KCND2: variants seen among roughly 807,000 people sequenced by gnomAD.
KCND2 encodes potassium voltage-gated channel subfamily D member 2.
Under a neutral mutation model 54.4 loss-of-function variants are expected in KCND2, and 16 were observed. That is an observed-to-expected ratio of 0.29 (90% CI 0.20 to 0.45). The LOEUF (loss-of-function observed/expected upper bound fraction) is 0.45, where lower values mean the gene tolerates loss of function less well. KCND2 is among the 20% of genes least tolerant of loss of function. The pLI, the probability that KCND2 is intolerant of heterozygous loss-of-function variation, is 1.00. For missense variants in KCND2, 486 were observed against 824.2 expected, an observed-to-expected ratio of 0.59 and a Z score of 5.02; for synonymous variants, 317 against 310.7, an observed-to-expected ratio of 1.02 and a Z score of -0.21.
At chr7:120,558,368 C>T (rs1389787463) in intron 1 of KCND2, among the ~76,000 whole-genome samples, 1 of 152,046 alleles carries the variant, frequency 6.6e-6, no homozygotes, top group Non-Finnish European at 1.5e-5. Flanking sequence ...ACCATCACAC[C>T]CTTAAATTAT....
intron 1 of KCND2, among the ~76,000 whole-genome samples, chr7:120,673,675 A>G (rs1792021391): frequency 6.6e-6 from 1 of 152,128 alleles, no homozygotes; most frequent in African/African-American, 2.4e-5. Flanking sequence ...AAATCTCATT[A>G]TGTCCTTCCT....
rs1799146754 is a variant in KCND2 at position 120,274,743 on chromosome 7, G to A, written c.111G>A (p.Arg37=). The A allele has an allele frequency of 6.2e-7, 1 of 1,614,052 alleles. No individual in the cohort carries two copies. The highest frequency in any genetic ancestry group is 8.5e-7 in the Non-Finnish European group (1 of 1,179,998). The change falls in exon 1 of 6, where the codon AGG becomes AGA. Residue 37 remains arginine, a synonymous_variant. Transcript: ENST00000331113. The part of the protein sequence containing the change: ...MPAPPRQERK[R]TQDALIVLNV... ...CTCCCCCGAGGCAGGAGAGGAAAAG[G>A]ACCCAAGATGCTCTCATTGTGCTGA...
intron 1 of KCND2, among the ~76,000 whole-genome samples, chr7:120,625,179 G>A (rs978249525): frequency 6.6e-6 from 1 of 152,152 alleles, no homozygotes; most frequent in Non-Finnish European, 1.5e-5. Context: ...AAGATTAAGT[G>A]ATTTAGTGTA....
intron 1 of KCND2, among the ~76,000 whole-genome samples, chr7:120,637,111 TA>T (rs1344326176): frequency 8.5e-5 from 13 of 152,190 alleles, no homozygotes; most frequent in African/African-American, 3.1e-4. Flanking sequence ...CAAAGATGAG[TA>T]AGAAGTGATG....
intron 1 of KCND2, among the ~76,000 whole-genome samples, chr7:120,281,598 G>T (rs1165812918): frequency 6.6e-6 from 1 of 152,160 alleles, no homozygotes; most frequent in Non-Finnish European, 1.5e-5. Context: ...AGTTGGAATT[G>T]TGCTTGATAT....
At chr7:120,330,581 CAA>C (rs3067024) in intron 1 of KCND2, among the ~76,000 whole-genome samples, 155 of 48,360 alleles carry the variant, frequency 3.2e-3, no homozygotes, top group East Asian at 0.016. Context: ...AACTCTGTCT[CAA>C]AAAAAAAAAA....
At chr7:120,465,565 G>C (rs192038478) in intron 1 of KCND2, among the ~76,000 whole-genome samples, 2 of 152,066 alleles carry the variant, frequency 1.3e-5, no homozygotes, top group African/African-American at 4.8e-5. Flanking sequence ...AGTGGCAAAC[G>C]CAAGAAGAGT....
At chr7:120,659,219 C>T (rs1159706368) in intron 1 of KCND2, among the ~76,000 whole-genome samples, 3 of 152,116 alleles carry the variant, frequency 2.0e-5, no homozygotes, top group African/African-American at 4.8e-5. Context: ...CTGGTCCTGC[C>T]ATGTCTTCAC....
At chr7:120,410,384 C>G (rs1801431667) in intron 1 of KCND2, among the ~76,000 whole-genome samples, 2 of 151,684 alleles carry the variant, frequency 1.3e-5, no homozygotes, top group Admixed American at 1.3e-4. Context: ...TTCTTTGGGT[C>G]CATGTAAATT....
intron 1 of KCND2, among the ~76,000 whole-genome samples, chr7:120,550,829 A>G (rs1335529424): frequency 6.6e-6 from 1 of 152,236 alleles, no homozygotes; most frequent in Non-Finnish European, 1.5e-5. Flanking sequence ...ACTTTCCCAA[A>G]TAAGCACATG....
chr7:120,449,027 A>G (rs1442378735), intron 1 of KCND2, among the ~76,000 whole-genome samples: 1 of 152,130 alleles, frequency 6.6e-6, no homozygotes, highest in African/African-American at 2.4e-5. Flanking sequence ...GTCACACACA[A>G]CGAAATAGAA....
chr7:120,505,111 A>G (rs1802994600), intron 1 of KCND2, among the ~76,000 whole-genome samples: 1 of 151,830 alleles, frequency 6.6e-6, no homozygotes, highest in African/African-American at 2.4e-5. Flanking sequence ...AATATAAAAG[A>G]ACTGCTCTGC....
At chr7:120,350,735 C>T (rs1043015594) in intron 1 of KCND2, among the ~76,000 whole-genome samples, 3 of 152,120 alleles carry the variant, frequency 2.0e-5, no homozygotes, top group African/African-American at 7.2e-5. Context: ...TCAATTTCAA[C>T]CTAAGGACAG....
At chr7:120,429,426 T>C (rs954384918) in intron 1 of KCND2, among the ~76,000 whole-genome samples, 4 of 150,920 alleles carry the variant, frequency 2.7e-5, no homozygotes, top group African/African-American at 7.3e-5. Context: ...TTTAATCTTA[T>C]GACCAAACGG....
rs574877107 is a variant in KCND2 at position 120,376,971 on chromosome 7, A to T, written c.1115+101224A>T. Among the ~76,000 whole-genome samples, 219 of 152,028 alleles carry T rather than the reference A, an allele frequency of 1.4e-3. 1 individual carries two copies. The highest frequency in any genetic ancestry group is 5.2e-3 in the African/African-American group (216 of 41,528). ...TCTTCAGTTCACACAATTTCCCTTA[A>T]TGTTTCACCTGAAGTTGAAGTTGGA... On this transcript the variant is annotated intron_variant, in intron 1 of 5. Transcript: ENST00000331113.
intron 1 of KCND2, among the ~76,000 whole-genome samples, chr7:120,475,610 T>C (rs1802523240): frequency 6.6e-6 from 1 of 152,188 alleles, no homozygotes; most frequent in Non-Finnish European, 1.5e-5. Flanking sequence ...AATGACTGAT[T>C]GCGATGTCAA....
At chr7:120,401,280 A>G (rs1801248857) in intron 1 of KCND2, among the ~76,000 whole-genome samples, 1 of 152,108 alleles carries the variant, frequency 6.6e-6, no homozygotes, top group African/African-American at 2.4e-5. Context: ...TAATCTCAAG[A>G]CAAACCTGTC....
chr7:120,502,528 T>G (rs1802951575), intron 1 of KCND2, among the ~76,000 whole-genome samples: 1 of 152,096 alleles, frequency 6.6e-6, no homozygotes, highest in Admixed American at 6.6e-5. Context: ...TCTAGTTGGT[T>G]GCTTACTCCT....
At chr7:120,437,321 G>A (rs140590548) in intron 1 of KCND2, among the ~76,000 whole-genome samples, 1 of 149,926 alleles carries the variant, frequency 6.7e-6, no homozygotes, top group Non-Finnish European at 1.5e-5. Context: ...TCCTGCCTCA[G>A]CCTCCGGAGT....
Sources: gnomAD v4.1 joint callset for allele counts (sites outside exome capture counted in the v4.1 genomes callset) on GRCh38, gnomAD v4.1.1 for gene constraint, MANE v1.5 for transcripts, NCBI Gene and HGNC (gene_info 2026-07-23, HGNC 2026-07-21) for gene names.